NRCAM: variants seen among roughly 807,000 people sequenced by gnomAD.
The protein encoded by NRCAM is NgCAM-related cell adhesion molecule.
Under a neutral mutation model 156.5 loss-of-function variants are expected in NRCAM, and 83 were observed. The observed-to-expected ratio is 0.53, with a 90% CI of 0.44 to 0.64. The LOEUF (loss-of-function observed/expected upper bound fraction) is 0.64. Ranked by LOEUF, NRCAM falls within the 30% of genes least tolerant of loss-of-function variation. NRCAM has a pLI of 0.00. For missense variants in NRCAM, 1,417 were observed against 1,597.3 expected, an observed-to-expected ratio of 0.89 and a Z score of 1.92; for synonymous variants, 538 against 563.9, an observed-to-expected ratio of 0.95 and a Z score of 0.65.
chr7:108,343,528 G>T (rs1313333342), intron 2 of NRCAM, among the ~76,000 whole-genome samples: 4 of 152,136 alleles, frequency 2.6e-5, no homozygotes, highest in African/African-American at 9.7e-5. Flanking sequence ...GCTTATAGAA[G>T]GACCCCTAGT....
chr7:108,196,958 A>C (rs1760748324), intron 14 of NRCAM, among the ~76,000 whole-genome samples: 1 of 152,172 alleles, frequency 6.6e-6, no homozygotes, highest in Admixed American at 6.5e-5. Context: ...CCCACCAATG[A>C]ATGAATGGAA....
At chr7:108,429,492 C>T (rs552925867) in intron 1 of NRCAM, among the ~76,000 whole-genome samples, 13 of 152,224 alleles carry the variant, frequency 8.5e-5, no homozygotes, top group African/African-American at 3.1e-4. Flanking sequence ...GCGCCCAGCC[C>T]GGATGTTTCT....
At chr7:108,197,222 T>G (rs536465243) in intron 14 of NRCAM, among the ~76,000 whole-genome samples, 17 of 152,266 alleles carry the variant, frequency 1.1e-4, no homozygotes, top group South Asian at 2.1e-4. Flanking sequence ...TTTCTCAACA[T>G]CCACCAATAT....
At chr7:108,341,574 C>T (rs182805759) in intron 2 of NRCAM, among the ~76,000 whole-genome samples, 7 of 152,248 alleles carry the variant, frequency 4.6e-5, no homozygotes, top group Non-Finnish European at 7.4e-5. Flanking sequence ...GGAGAAGGAA[C>T]AACCGTTTGT....
At chr7:108,221,942 C>CAAAAAA (rs5886446) in intron 11 of NRCAM, among the ~76,000 whole-genome samples, 2 of 143,932 alleles carry the variant, frequency 1.4e-5, no homozygotes, top group African/African-American at 2.6e-5. Flanking sequence ...ATGGTTCAAG[C>CAAAAAA]AAAAAAAAAA....
intron 2 of NRCAM, among the ~76,000 whole-genome samples, chr7:108,391,515 T>G (rs1226884159): frequency 1.3e-5 from 2 of 152,042 alleles, no homozygotes; most frequent in Non-Finnish European, 2.9e-5. Flanking sequence ...TGATGGGTCT[T>G]GACTCTTTAT....
At chr7:108,400,332 CAGTCTGT>C (rs1266004553) in intron 1 of NRCAM, among the ~76,000 whole-genome samples, 1 of 152,188 alleles carries the variant, frequency 6.6e-6, no homozygotes, top group Non-Finnish European at 1.5e-5. Flanking sequence ...AACTTAGGGT[CAGTCTGT>C]AGTAAGAAGA....
intron 1 of NRCAM, among the ~76,000 whole-genome samples, chr7:108,444,675 C>G (rs1490366122): frequency 6.6e-6 from 1 of 152,170 alleles, no homozygotes; most frequent in Non-Finnish European, 1.5e-5. Flanking sequence ...TTCTTCTACT[C>G]TGCCTATCTC....
At chr7:108,456,211 T>G (rs1010265178) in intron 1 of NRCAM, 32 bp downstream of exon 1, 4 of 152,420 alleles carry the variant, frequency 2.6e-5, no homozygotes, top group Non-Finnish European at 5.8e-5. Flanking sequence ...CAGGACCCAG[T>G]GTCACCGCCA....
At chr7:108,425,392 C>T (rs1815855720) in intron 1 of NRCAM, among the ~76,000 whole-genome samples, 2 of 152,120 alleles carry the variant, frequency 1.3e-5, no homozygotes, top group Non-Finnish European at 2.9e-5. Flanking sequence ...GATTTATCTC[C>T]TATGACTCTG....
At chr7:108,338,739 C>T (rs1167330932) in intron 2 of NRCAM, among the ~76,000 whole-genome samples, 1 of 152,080 alleles carries the variant, frequency 6.6e-6, no homozygotes, top group East Asian at 1.9e-4. Flanking sequence ...CCTTTAAAAG[C>T]CAGGGTAAAT....
intron 2 of NRCAM, among the ~76,000 whole-genome samples, chr7:108,396,541 C>A (rs1173439974): frequency 6.6e-6 from 1 of 152,168 alleles, no homozygotes; most frequent in Non-Finnish European, 1.5e-5. Flanking sequence ...CTGTAATTAA[C>A]CACAATTTAT....
At chr7:108,371,555 A>G (rs1168250568) in intron 2 of NRCAM, among the ~76,000 whole-genome samples, 1 of 152,184 alleles carries the variant, frequency 6.6e-6, no homozygotes, top group East Asian at 1.9e-4. Context: ...AGTGTTCTCA[A>G]AAGTTTGGGA....
chr7:108,377,247 T>C (rs988950078), intron 2 of NRCAM, among the ~76,000 whole-genome samples: 2 of 152,180 alleles, frequency 1.3e-5, no homozygotes, highest in Non-Finnish European at 2.9e-5. Flanking sequence ...AGGAAATTTA[T>C]AGCCAATACA....
chr7:108,413,668 G>C (rs957075763), intron 1 of NRCAM, among the ~76,000 whole-genome samples: 17 of 152,072 alleles, frequency 1.1e-4, no homozygotes, highest in Non-Finnish European at 2.4e-4. Flanking sequence ...CTCCCAATAA[G>C]TACAGTAAGA....
intron 3 of NRCAM, among the ~76,000 whole-genome samples, chr7:108,278,030 C>A (rs1332447968): frequency 6.6e-6 from 1 of 152,212 alleles, no homozygotes; most frequent in African/African-American, 2.4e-5. Flanking sequence ...TGGAGGTCCA[C>A]TCCAGACCCT....
intron 1 of NRCAM, among the ~76,000 whole-genome samples, chr7:108,418,798 T>C (rs769710551): frequency 2.8e-4 from 42 of 152,222 alleles, no homozygotes; most frequent in African/African-American, 9.6e-4. Flanking sequence ...TTCTGGCTTA[T>C]TTTATAGCAT....
At chr7:108,276,385 T>A (rs2097611572) in intron 3 of NRCAM, among the ~76,000 whole-genome samples, 1 of 152,206 alleles carries the variant, frequency 6.6e-6, no homozygotes, top group Non-Finnish European at 1.5e-5. Flanking sequence ...TTTGTAGGTC[T>A]TTAAGAACTT....
At chr7:108,346,346 C>A (rs2099354244) in intron 2 of NRCAM, among the ~76,000 whole-genome samples, 1 of 152,132 alleles carries the variant, frequency 6.6e-6, no homozygotes, top group South Asian at 2.1e-4. Flanking sequence ...TCTTTTTCCT[C>A]CCAACACAGT....
Sources: allele counts gnomAD v4.1 joint callset (sites outside exome capture counted in the v4.1 genomes callset), GRCh38; gene constraint gnomAD v4.1.1; transcripts MANE v1.5; gene names NCBI Gene and HGNC (gene_info 2026-07-23, HGNC 2026-07-21).